MANBA: variants seen among roughly 807,000 people sequenced by gnomAD.
MANBA encodes the protein mannosidase beta, also known as beta-mannosidase.
MANBA carries 83 observed loss-of-function variants against 111.1 expected under a neutral mutation model. That is an observed-to-expected ratio of 0.75 (90% CI 0.63 to 0.90). The LOEUF (loss-of-function observed/expected upper bound fraction) is 0.90. MANBA is among the 40% of genes least tolerant of loss of function. The pLI is 0.00. For missense variants in MANBA, 1,036 were observed against 1,069.0 expected, an observed-to-expected ratio of 0.97 and a Z score of 0.43; for synonymous variants, 370 against 378.7, an observed-to-expected ratio of 0.98 and a Z score of 0.27.
chr4:102,680,688 C>A (rs985026975), intron 7 of MANBA, among the ~76,000 whole-genome samples: 18 of 152,134 alleles, frequency 1.2e-4, no homozygotes, highest in African/African-American at 4.3e-4. Context: ...GGATTAATTT[C>A]TTTGATTTTT....
intron 2 of MANBA, among the ~76,000 whole-genome samples, chr4:102,726,134 A>ATT (rs899361140): frequency 2.1e-4 from 31 of 150,032 alleles, no homozygotes; most frequent in South Asian, 6.4e-4. Flanking sequence ...GGACAGAAGG[A>ATT]TTTTTTTTTT....
chr4:102,671,269 T>C lies in MANBA; in HGVS notation c.1230+12A>G, dbSNP rs1731483306. The stretch of plus-strand genomic sequence containing the variant: ...TAACTTATCAATATATAAAATGCTA[T>C]CAACTTCTCACCATTATTCCTAGTT... On this transcript the variant is annotated intron_variant, in intron 9 of 16. Transcript: ENST00000647097. The C allele has an allele frequency of 6.9e-7, 1 of 1,459,408 alleles. No homozygotes were observed. The highest frequency in any genetic ancestry group is 9.6e-7 in the Non-Finnish European group (1 of 1,039,332). 90.4% of individuals were successfully genotyped at this position (1,459,408 alleles called of 1,614,324 possible).
chr4:102,650,463 T>C, intron 13 of MANBA, 74 bp downstream of exon 13: 1 of 1,432,950 alleles, frequency 7.0e-7, no homozygotes, highest in South Asian at 1.1e-5. Flanking sequence ...TCACCATATA[T>C]GGCCTACAAA....
chr4:102,723,070 C>T (rs764239637), intron 3 of MANBA, 29 bp from the exon 4 acceptor site: 88 of 1,600,264 alleles, frequency 5.5e-5, no homozygotes, highest in Non-Finnish European at 7.5e-5. Context: ...TCAGACAAAC[C>T]CATGATGTGG....
chr4:102,669,837 G>A (rs181933295), intron 9 of MANBA, among the ~76,000 whole-genome samples: 105 of 152,174 alleles, frequency 6.9e-4, no homozygotes, highest in African/African-American at 2.5e-3. Context: ...AAAATTAGCC[G>A]GGCAAGGTGG....
At chr4:102,751,417 C>A in intron 1 of MANBA, 1 of 471,270 alleles carries the variant, frequency 2.1e-6, no homozygotes, top group South Asian at 1.6e-5. Context: ...CAGCTCCAAA[C>A]ACATTTCTAC....
chr4:102,692,411 G>A (rs1182899802), intron 5 of MANBA, among the ~76,000 whole-genome samples: 3 of 152,166 alleles, frequency 2.0e-5, no homozygotes, highest in Non-Finnish European at 4.4e-5. Flanking sequence ...TTATATACGC[G>A]CAGTATGACT....
Position 102,631,921 on chromosome 4 carries a change from A to G in MANBA, c.*136T>C. ...GTGTTCAGTGTACAACTCTTCACAG[A>G]GCAATCGCTCAAATGCGTGGCAGCA... On this transcript the variant is annotated 3_prime_UTR_variant, in exon 17 of 17. Coordinates refer to ENST00000647097, the MANE Select transcript of MANBA (RefSeq NM_005908.4). 1.3e-6 allele frequency: 1 copy of G among 779,254 alleles called. No individual in the cohort carries two copies. Among genetic ancestry groups the G allele is most frequent in the Non-Finnish European group, 2.2e-6 (1 of 453,900 alleles). The allele number at this position is 779,254 out of a possible 1,614,324, so 48.3% of individuals were successfully genotyped here.
intron 1 of MANBA, among the ~76,000 whole-genome samples, chr4:102,758,173 T>A (rs925032937): frequency 2.0e-5 from 3 of 152,226 alleles, no homozygotes; most frequent in African/African-American, 7.2e-5. Context: ...TTCTTCAGTG[T>A]GCCACCTGCC....
At chr4:102,732,959 G>A (rs1317263306) in intron 1 of MANBA, among the ~76,000 whole-genome samples, 1 of 152,204 alleles carries the variant, frequency 6.6e-6, no homozygotes, top group South Asian at 2.1e-4. Context: ...TGATCTGGTT[G>A]ACGGGGCACA....
In MANBA at chr4:102,692,872, A is replaced by T. The variant is rs571833775; in HGVS notation, c.674-2101T>A. ...ATGGCTTTGCTGCAAAAGAAAAAAA[A>T]AAAAGCTAGGTTTCTATGCTGATCA... On this transcript the variant is annotated intron_variant, in intron 5 of 16. Transcript: ENST00000647097. 3.9e-5 allele frequency among the ~76,000 whole-genome samples: 6 copies of T among 152,196 alleles called. No individual in the cohort carries two copies. The East Asian group carries it at 1.2e-3, about 29-fold the overall frequency.
chr4:102,701,176 T>C (rs1733019146), intron 5 of MANBA, among the ~76,000 whole-genome samples: 1 of 151,804 alleles, frequency 6.6e-6, no homozygotes, highest in Non-Finnish European at 1.5e-5. Flanking sequence ...AGACTAGGAT[T>C]GCAACCCCTG....
chr4:102,755,816 T>C (rs1723989122), intron 1 of MANBA, among the ~76,000 whole-genome samples: 1 of 152,100 alleles, frequency 6.6e-6, no homozygotes, highest in Non-Finnish European at 1.5e-5. Context: ...GGGCAAAGGA[T>C]ATGAACAGAC....
intron 1 of MANBA, among the ~76,000 whole-genome samples, chr4:102,758,042 T>G (rs567722190): frequency 4.9e-4 from 75 of 152,370 alleles, no homozygotes; most frequent in Non-Finnish European, 9.0e-4. Flanking sequence ...AGTGACCTTT[T>G]CAAACAGGTC....
intron 4 of MANBA, among the ~76,000 whole-genome samples, chr4:102,716,304 A>C (rs1045530093): frequency 7.9e-6 from 1 of 125,950 alleles, no homozygotes; most frequent in African/African-American, 3.3e-5. Flanking sequence ...AGTGAAACTC[A>C]GTCTCAAAAA....
intron 10 of MANBA, chr4:102,668,533 C>A: frequency 2.6e-5 from 5 of 190,796 alleles, no homozygotes; most frequent in Admixed American, 5.4e-5. Context: ...TAAAATAAAT[C>A]AAGGAATCAA....
At chr4:102,674,209 G>A (rs1408746548) in intron 7 of MANBA, 139 bp from the exon 8 acceptor site, 2 of 652,430 alleles carry the variant, frequency 3.1e-6, no homozygotes, top group Admixed American at 2.8e-5. Flanking sequence ...AGCACATAAT[G>A]TGGAAATGCA....
intron 14 of MANBA, among the ~76,000 whole-genome samples, chr4:102,638,939 C>T (rs990743866): frequency 1.3e-5 from 2 of 152,206 alleles, no homozygotes; most frequent in East Asian, 1.9e-4. Context: ...AAGAACCTCA[C>T]CCAACCTTTC....
At chr4:102,693,437 G>A (rs1174538982) in intron 5 of MANBA, among the ~76,000 whole-genome samples, 1 of 152,132 alleles carries the variant, frequency 6.6e-6, no homozygotes, top group Non-Finnish European at 1.5e-5. Context: ...TATAAGAAGA[G>A]GAAGAAACAG....
Sources: allele counts gnomAD v4.1 joint callset (sites outside exome capture counted in the v4.1 genomes callset), GRCh38; gene constraint gnomAD v4.1.1; transcripts MANE v1.5; gene names NCBI Gene and HGNC (gene_info 2026-07-23, HGNC 2026-07-21).